Variants in MTCL1 observed in about 807,000 individuals in gnomAD.
The protein encoded by MTCL1 is microtubule cross-linking factor 1.
In MTCL1, 79 loss-of-function variants were observed where a neutral mutation model predicts 141.4. The observed-to-expected ratio is 0.56, with a 90% CI of 0.47 to 0.67. The LOEUF (loss-of-function observed/expected upper bound fraction) is 0.67. Ranked by LOEUF, MTCL1 falls within the 30% of genes least tolerant of loss-of-function variation. The probability of loss-of-function intolerance (pLI) is 0.00; values close to 1 mark genes in which losing one functional copy is unlikely to be tolerated. For synonymous variants in MTCL1, 914 were observed against 875.8 expected, an observed-to-expected ratio of 1.04 and a Z score of -0.77; for missense variants, 2,177 against 2,113.9, an observed-to-expected ratio of 1.03 and a Z score of -0.59.
chr18:8,784,563 T>C (rs2096544170), exon 6 of MTCL1: 4 of 1,608,502 alleles, frequency 2.5e-6, no homozygotes, highest in Middle Eastern at 1.7e-4. Flanking sequence ...GATGCGGGGC[T>C]GCGGGGTGGT....
At chr18:8,783,259 C>CT (rs71356264) in intron 5 of MTCL1, among the ~76,000 whole-genome samples, 66,347 of 150,110 alleles carry the variant, frequency 0.44, 16,575 homozygotes, top group Non-Finnish European at 0.56. Context: ...TCCACGTGCA[C>CT]TTTTTTTTTT....
At chr18:8,761,990 G>T (rs1271300599) in intron 4 of MTCL1, among the ~76,000 whole-genome samples, 1 of 152,170 alleles carries the variant, frequency 6.6e-6, no homozygotes, top group Non-Finnish European at 1.5e-5. Context: ...TGTTTTCAAG[G>T]TTTATTCTTG....
chr18:8,711,763 T>G (rs1049539363), intron 1 of MTCL1, among the ~76,000 whole-genome samples: 3 of 151,748 alleles, frequency 2.0e-5, no homozygotes, highest in Non-Finnish European at 4.4e-5. Context: ...TAAATTTGTT[T>G]GAGTTCATTG....
chr18:8,777,507 T>G (rs981595948), intron 4 of MTCL1, among the ~76,000 whole-genome samples: 2 of 152,218 alleles, frequency 1.3e-5, no homozygotes, highest in East Asian at 3.8e-4. Flanking sequence ...TCTCCTCTTC[T>G]TCTTGCCTTC....
intron 4 of MTCL1, among the ~76,000 whole-genome samples, chr18:8,723,361 GATA>G (rs1181082232): frequency 9.9e-5 from 15 of 152,156 alleles, no homozygotes; most frequent in Non-Finnish European, 5.9e-5. Flanking sequence ...CTGGGGTGAG[GATA>G]ATATTTTTTC....
chr18:8,821,265 C>T (rs1458350552), intron 13 of MTCL1, among the ~76,000 whole-genome samples: 2 of 152,182 alleles, frequency 1.3e-5, no homozygotes, highest in Non-Finnish European at 2.9e-5. Context: ...AGCTCCAGCC[C>T]CTCATCATGC....
At chr18:8,756,453 G>A (rs983028534) in intron 4 of MTCL1, among the ~76,000 whole-genome samples, 1 of 142,704 alleles carries the variant, frequency 7.0e-6, no homozygotes, top group Non-Finnish European at 1.5e-5. Flanking sequence ...GTGTATATAT[G>A]TGTATATATG....
chr18:8,786,161 G>A (rs371308287), intron 7 of MTCL1, 70 bp downstream of exon 6: 334 of 1,484,974 alleles, frequency 2.2e-4, no homozygotes, highest in African/African-American at 1.4e-3. Flanking sequence ...GCTGTGTGAC[G>A]TTTTCTGTCC....
At chr18:8,732,094 T>G (rs9961392) in intron 4 of MTCL1, among the ~76,000 whole-genome samples, 64,798 of 151,828 alleles carry the variant, frequency 0.43, 14,089 homozygotes, top group East Asian at 0.58. Flanking sequence ...TTAGGTAACT[T>G]TATTCTTTTA....
chr18:8,769,370 C>A (rs925432663), intron 4 of MTCL1, among the ~76,000 whole-genome samples: 2 of 152,164 alleles, frequency 1.3e-5, no homozygotes, highest in Non-Finnish European at 2.9e-5. Flanking sequence ...TCATCAGTTA[C>A]AATTTTTCTT....
At chr18:8,736,635 A>ATT (rs34650032) in intron 4 of MTCL1, among the ~76,000 whole-genome samples, 5 of 117,664 alleles carry the variant, frequency 4.2e-5, no homozygotes, top group Non-Finnish European at 8.8e-5. Flanking sequence ...ATATCCATGT[A>ATT]TTTTTTTTTT....
At chr18:8,714,406 A>G (rs2096113385), upstream of MTCL1, among the ~76,000 whole-genome samples, 1 of 152,228 alleles carries the variant, frequency 6.6e-6, no homozygotes, top group African/African-American at 2.4e-5. Flanking sequence ...TGATTTAAAT[A>G]CATGCCGTTA....
chr18:8,795,217 G>A (rs1001954050), intron 8 of MTCL1, among the ~76,000 whole-genome samples: 29 of 152,310 alleles, frequency 1.9e-4, no homozygotes, highest in Non-Finnish European at 2.2e-4. Flanking sequence ...CATTGGCCTC[G>A]GGCAGCTGTG....
chr18:8,796,926 A>G (rs148478255), intron 9 of MTCL1, among the ~76,000 whole-genome samples: 4 of 152,290 alleles, frequency 2.6e-5, no homozygotes, highest in Non-Finnish European at 5.9e-5. Context: ...AGTTTTCCAC[A>G]TGGATATTTT....
At chr18:8,801,426 C>T (rs567215035) in intron 10 of MTCL1, among the ~76,000 whole-genome samples, 2 of 152,148 alleles carry the variant, frequency 1.3e-5, no homozygotes, top group Admixed American at 1.3e-4. Flanking sequence ...TGGGAGGCCT[C>T]CCCTATAAGG....
At chr18:8,717,926 T>G in exon 2 of MTCL1, 5 of 997,084 alleles carry the variant, frequency 5.0e-6, no homozygotes, top group Non-Finnish European at 6.0e-6. Flanking sequence ...AATGCTGAGA[T>G]GCGTCTTGTG....
intron 4 of MTCL1, among the ~76,000 whole-genome samples, chr18:8,741,171 G>A (rs765620573): frequency 6.6e-6 from 1 of 151,564 alleles, no homozygotes; most frequent in Non-Finnish European, 1.5e-5. Flanking sequence ...AGTGGGATGG[G>A]TGGAAGGAGT....
At chr18:8,818,813 A>G (rs987936682) in intron 12 of MTCL1, 150 bp from the exon 12 acceptor site, 22 of 866,744 alleles carry the variant, frequency 2.5e-5, no homozygotes, top group Admixed American at 2.2e-4. Flanking sequence ...ACATTTTGAA[A>G]TTAAGATCAG....
chr18:8,708,152 GT>G (rs2148743523), intron 1 of MTCL1, among the ~76,000 whole-genome samples: 1 of 152,328 alleles, frequency 6.6e-6, no homozygotes, highest in East Asian at 1.9e-4. Flanking sequence ...CTCCCTGAGG[GT>G]GACCAAGATA....
Sources: gnomAD v4.1 joint callset for allele counts (sites outside exome capture counted in the v4.1 genomes callset) on GRCh38, gnomAD v4.1.1 for gene constraint, MANE v1.5 for transcripts, NCBI Gene and HGNC (gene_info 2026-07-23, HGNC 2026-07-21) for gene names.